KCNQ4: variants seen among roughly 807,000 people sequenced by gnomAD.
The protein encoded by KCNQ4 is potassium voltage-gated channel subfamily KQT member 4.
In KCNQ4, 31 loss-of-function variants were observed where a neutral mutation model predicts 72.6. That is an observed-to-expected ratio of 0.43 (90% CI 0.32 to 0.58). The LOEUF (loss-of-function observed/expected upper bound fraction) is 0.58. KCNQ4 is among the 20% of genes least tolerant of loss of function. The probability of loss-of-function intolerance (pLI) is 0.08; values close to 1 mark genes in which losing one functional copy is unlikely to be tolerated. For synonymous variants in KCNQ4, 405 were observed against 403.7 expected, an observed-to-expected ratio of 1.00 and a Z score of -0.04; for missense variants, 869 against 962.6, an observed-to-expected ratio of 0.90 and a Z score of 1.29.
At chr1:40,822,243 C>G in intron 7 of KCNQ4, 71 bp from the exon 8 acceptor site, 1 of 1,303,488 alleles carries the variant, frequency 7.7e-7, no homozygotes, top group Admixed American at 1.7e-5. Context: ...TGGGTTCTTT[C>G]AGGGGAGAGG....
chr1:40,840,145 T>G lies in KCNQ4; in HGVS notation c.*1622T>G, dbSNP rs41285902. On this transcript the variant is annotated 3_prime_UTR_variant, in exon 14 of 14. Coordinates refer to ENST00000347132, the MANE Select transcript of KCNQ4 (RefSeq NM_004700.4). ...CACCAGGGCTTGGACTGGATCTTACTCAGTCCATGGTGCCCAGCCTCTGCC... is the reference window on the plus strand; with the variant it reads ...CACCAGGGCTTGGACTGGATCTTACGCAGTCCATGGTGCCCAGCCTCTGCC... 1.3e-5 allele frequency: 2 copies of G among 151,262 alleles called. No homozygotes were observed. The highest frequency in any genetic ancestry group is 6.5e-5 in the Admixed American group (1 of 15,278). 9.4% of individuals were successfully genotyped at this position (151,262 alleles called of 1,614,324 possible).
intron 10 of KCNQ4, among the ~76,000 whole-genome samples, chr1:40,831,815 G>A (rs1648658918): frequency 6.6e-6 from 1 of 152,220 alleles, no homozygotes. Flanking sequence ...CCCTGACTAT[G>A]CACTGCCCAG....
chr1:40,818,822 G>GT (rs1648185225), intron 4 of KCNQ4, 142 bp downstream of exon 4: 1 of 945,024 alleles, frequency 1.1e-6, no homozygotes, highest in African/African-American at 1.6e-5. Context: ...GCCCTAGCAG[G>GT]AGGCGAGGTC....
chr1:40,803,233 A>G (rs1482702688), intron 1 of KCNQ4, among the ~76,000 whole-genome samples: 1 of 152,240 alleles, frequency 6.6e-6, no homozygotes, highest in African/African-American at 2.4e-5. Flanking sequence ...CTTGCTTCCC[A>G]TTAGGGAAGC....
At chr1:40,829,118 T>C (rs948702875) in intron 9 of KCNQ4, among the ~76,000 whole-genome samples, 1 of 152,244 alleles carries the variant, frequency 6.6e-6, no homozygotes, top group Non-Finnish European at 1.5e-5. Flanking sequence ...TGGAGCCTTA[T>C]GTGGTGGGCG....
intron 1 of KCNQ4, among the ~76,000 whole-genome samples, chr1:40,802,688 C>T (rs1647621004): frequency 6.6e-6 from 1 of 152,152 alleles, no homozygotes; most frequent in Non-Finnish European, 1.5e-5. Context: ...CCCCAGGAGC[C>T]CTCCCCGCAG....
At chr1:40,814,712 A>C (rs1020365331) in intron 1 of KCNQ4, among the ~76,000 whole-genome samples, 5 of 152,100 alleles carry the variant, frequency 3.3e-5, no homozygotes, top group African/African-American at 9.7e-5. Context: ...TCAAAAAAAA[A>C]CAAAACAAAA....
At chr1:40,792,592 T>C (rs1235560131) in intron 1 of KCNQ4, among the ~76,000 whole-genome samples, 1 of 152,162 alleles carries the variant, frequency 6.6e-6, no homozygotes, top group African/African-American at 2.4e-5. Flanking sequence ...AAATGCTGCC[T>C]CCCTGCTGCC....
chr1:40,819,289 C>T (rs1004998492), intron 4 of KCNQ4, 58 bp from the exon 5 acceptor site: 21 of 1,607,306 alleles, frequency 1.3e-5, no homozygotes, highest in African/African-American at 2.7e-5. Flanking sequence ...GTGGAAGCCC[C>T]CCACATCTCC....
intron 13 of KCNQ4, among the ~76,000 whole-genome samples, 192 bp from the exon 14 acceptor site, chr1:40,838,119 C>G (rs1648861271): frequency 1.3e-5 from 2 of 152,176 alleles, no homozygotes; most frequent in Non-Finnish European, 2.9e-5. Context: ...CTAACCACCC[C>G]CCGGGTTATG....
intron 1 of KCNQ4, among the ~76,000 whole-genome samples, chr1:40,793,946 A>G (rs189970592): frequency 2.0e-5 from 3 of 152,266 alleles, no homozygotes; most frequent in Admixed American, 1.3e-4. Context: ...GCATGGGACT[A>G]TGAGAACTGG....
At chr1:40,833,168 C>T (rs1281616698) in intron 11 of KCNQ4, 55 bp downstream of exon 11, 5 of 1,336,554 alleles carry the variant, frequency 3.7e-6, no homozygotes, top group Non-Finnish European at 5.3e-6. Flanking sequence ...CACTGCTGCT[C>T]CCCATCTGGG....
At position 40,818,888 on chromosome 1, in the gene KCNQ4, G is replaced by T. The variant is rs569340117; in HGVS notation, c.708+208G>T. ...TAGGTAGGGGCGGGCCTAGGAGTCC[G>T]GACCGGATCAGGGGGCGGGGCCGGA... On this transcript the variant is annotated intron_variant, in intron 4 of 13. Coordinates refer to ENST00000347132, the MANE Select transcript of KCNQ4 (RefSeq NM_004700.4). 331 of 638,254 alleles carry T rather than the reference G, an allele frequency of 5.2e-4. 2 individuals carry two copies. The African/African-American group carries it at 5.6e-3, about 11-fold the overall frequency. 39.5% of individuals were successfully genotyped at this position (638,254 alleles called of 1,614,324 possible). A position where few individuals can be genotyped will look rare whatever the true frequency, so the allele number is the denominator to read the frequency against.
At chr1:40,786,542 T>C (rs1647204882) in intron 1 of KCNQ4, among the ~76,000 whole-genome samples, 1 of 152,128 alleles carries the variant, frequency 6.6e-6, no homozygotes, top group African/African-American at 2.4e-5. Context: ...GGGGAAGAAG[T>C]ATGGTGTGAA....
At chr1:40,789,360 TAAC>T (rs1394217256) in intron 1 of KCNQ4, among the ~76,000 whole-genome samples, 2 of 152,188 alleles carry the variant, frequency 1.3e-5, no homozygotes, top group East Asian at 3.9e-4. Context: ...GGACTTTAGA[TAAC>T]AATTTTCCTA....
chr1:40,796,576 G>T (rs533847185), intron 1 of KCNQ4, among the ~76,000 whole-genome samples: 17 of 152,244 alleles, frequency 1.1e-4, no homozygotes, highest in Admixed American at 5.9e-4. Context: ...GACTATGTCT[G>T]CCTGCTTCTA....
rs116193959 is a variant in KCNQ4 at position 40,801,063 on chromosome 1, T to C, written c.315-16202T>C. Among the ~76,000 whole-genome samples the C allele has an allele frequency of 1.6e-3, 247 of 152,038 alleles. 1 individual carries two copies. Among genetic ancestry groups the C allele is most frequent in the Non-Finnish European group, 3.0e-3 (206 of 67,992 alleles). On this transcript the variant is annotated intron_variant, in intron 1 of 13. Transcript: ENST00000347132. ...CTATTTTAACAGTAAGAAGCTGTTG[T>C]AGGATTGTAAATGGGGTAGGGGCTG...
At chr1:40,790,795 T>C (rs1647266156) in intron 1 of KCNQ4, among the ~76,000 whole-genome samples, 1 of 150,836 alleles carries the variant, frequency 6.6e-6, no homozygotes, top group African/African-American at 2.4e-5. Flanking sequence ...GAGTGGGGGA[T>C]TGGGGGTCAC....
At chr1:40,831,344 G>A in intron 10 of KCNQ4, 40 bp downstream of exon 10, 1 of 1,521,152 alleles carries the variant, frequency 6.6e-7, no homozygotes, top group South Asian at 1.2e-5. Flanking sequence ...AGGGCCGGCT[G>A]AGGGTGGCAG....
Sources: gnomAD v4.1 joint callset for allele counts (sites outside exome capture counted in the v4.1 genomes callset) on GRCh38, gnomAD v4.1.1 for gene constraint, MANE v1.5 for transcripts, NCBI Gene and HGNC (gene_info 2026-07-23, HGNC 2026-07-21) for gene names.